Variants in LIN54 observed in about 807,000 individuals in gnomAD.
The protein encoded by LIN54 is protein lin-54 homolog.
LIN54 carries 9 observed loss-of-function variants against 78.7 expected under a neutral mutation model. The ratio of observed to expected loss-of-function variants is 0.11; its 90% CI spans 0.07 to 0.20. The LOEUF is 0.20. LIN54 is among the 10% of genes least tolerant of loss of function. The pLI is 1.00. For synonymous variants in LIN54, 269 were observed against 318.4 expected (o/e 0.84, Z 1.65); for missense variants, 573 against 889.9 (o/e 0.64, Z 4.53).
intron 1 of LIN54, among the ~76,000 whole-genome samples, chr4:82,993,202 C>T (rs1460053302): frequency 3.2e-4 from 44 of 139,096 alleles, no homozygotes; most frequent in African/African-American, 1.2e-3. Context: ...TTGATTTGTT[C>T]TTCTTTTTCT....
At chr4:83,001,676 T>A (rs1728786254) in intron 1 of LIN54, among the ~76,000 whole-genome samples, 1 of 148,994 alleles carries the variant, frequency 6.7e-6, no homozygotes, top group African/African-American at 2.5e-5. Flanking sequence ...AAACCCCGTC[T>A]CTACTAAAAA....
At chr4:83,002,455 AG>A (rs956448719) in intron 1 of LIN54, among the ~76,000 whole-genome samples, 5 of 132,650 alleles carry the variant, frequency 3.8e-5, no homozygotes, top group Non-Finnish European at 6.4e-5. Flanking sequence ...AGGGGAGGGA[AG>A]GAGGAAGGAG....
chr4:82,994,391 A>T (rs1220572934), intron 1 of LIN54, among the ~76,000 whole-genome samples: 1 of 149,322 alleles, frequency 6.7e-6, no homozygotes, highest in Non-Finnish European at 1.5e-5. Flanking sequence ...CTCCTTGTGC[A>T]TTTTAAAAGA....
Position 82,984,479 on chromosome 4 carries a change from C to T in LIN54, c.366G>A (p.Gln122=). Residue 122 remains glutamine, a synonymous_variant, in exon 2 of 13, where the codon CAG becomes CAA. Coordinates refer to ENST00000340417, the MANE Select transcript of LIN54 (RefSeq NM_194282.4). The part of the protein sequence containing the change: ...ANQIILNKVS[Q]TSDLKLGNQT... Reference sequence around the variant, plus strand: ...GATTGCCAAGTTTAAGATCAGATGTCTGTGATACTTTGTTTAAAATAATCT... The same window carrying T: ...GATTGCCAAGTTTAAGATCAGATGTTTGTGATACTTTGTTTAAAATAATCT... 2 of 1,614,160 alleles carry T rather than the reference C, an allele frequency of 1.2e-6. No individual in the cohort carries two copies. Among genetic ancestry groups the T allele is most frequent in the Non-Finnish European group, 1.7e-6 (2 of 1,180,016 alleles).
chr4:82,943,924 A>G (rs1406364655), intron 5 of LIN54, among the ~76,000 whole-genome samples: 1 of 142,538 alleles, frequency 7.0e-6, no homozygotes, highest in African/African-American at 2.8e-5. Context: ...GCTGGAGTGC[A>G]GTGGTGTGAT....
intron 4 of LIN54, among the ~76,000 whole-genome samples, chr4:82,963,343 A>T (rs534259241): frequency 1.3e-5 from 2 of 152,332 alleles, no homozygotes; most frequent in South Asian, 2.1e-4. Context: ...GAAACATTTT[A>T]AAAAGTTCTT....
Position 82,937,195 on chromosome 4 carries a change from T to A in LIN54, c.1604+32A>T, listed in dbSNP as rs1164587324. 2.8e-6 allele frequency: 3 copies of A among 1,056,940 alleles called. No individual in the cohort carries two copies. The Admixed American group carries it at 5.1e-5, about 18-fold the overall frequency. The allele number at this position is 1,056,940 out of a possible 1,614,324, so 65.5% of individuals were successfully genotyped here. A position where few individuals can be genotyped will look rare whatever the true frequency, so the allele number is the denominator to read the frequency against. On this transcript the variant is annotated intron_variant, in intron 9 of 12. Coordinates refer to ENST00000340417, the MANE Select transcript of LIN54 (RefSeq NM_194282.4). ...ACTTTTAAGTGCATTTCTAATTACATTAAATAAGCAAACAGTTGCAAAAAC... is the reference window on the plus strand; with the variant it reads ...ACTTTTAAGTGCATTTCTAATTACAATAAATAAGCAAACAGTTGCAAAAAC...
intron 1 of LIN54, among the ~76,000 whole-genome samples, chr4:82,989,358 T>C (rs185060838): frequency 5.3e-5 from 8 of 152,280 alleles, no homozygotes; most frequent in Non-Finnish European, 1.0e-4. Flanking sequence ...GAATCCCCTC[T>C]GGCACTTATG....
rs2126023292 is a variant in LIN54, at chr4:82,927,486, T to C, written c.*616A>G. Reference sequence around the variant, plus strand: ...CTCTGAGATTTACTGTCCTTTAATATTTTATATGTTTTTTTAAATAACTTT... The same window carrying C: ...CTCTGAGATTTACTGTCCTTTAATACTTTATATGTTTTTTTAAATAACTTT... On this transcript the variant is annotated 3_prime_UTR_variant, in exon 13 of 13. Transcript: ENST00000340417. 1 of 152,338 alleles carries C rather than the reference T, an allele frequency of 6.6e-6. No individual in the cohort carries two copies. Among genetic ancestry groups the C allele is most frequent in the East Asian group, 1.9e-4 (1 of 5,192 alleles). The allele number at this position is 152,338 out of a possible 1,614,324, so 9.4% of individuals were successfully genotyped here. A position where few individuals can be genotyped will look rare whatever the true frequency, so the allele number is the denominator to read the frequency against.
Position 82,928,100 on chromosome 4 carries a change from A to T in LIN54, c.*2T>A. On this transcript the variant is annotated 3_prime_UTR_variant, in exon 13 of 13. Transcript: ENST00000340417. ...TCCATTTATCAGTCTTTTGTGCAAG[A>T]GTTAGCAATTCATGGCACAAGGGTC... The T allele has an allele frequency of 6.2e-7, 1 of 1,613,084 alleles. No individual in the cohort carries two copies. The highest frequency in any genetic ancestry group is 8.5e-7 in the Non-Finnish European group (1 of 1,178,972).
intron 1 of LIN54, among the ~76,000 whole-genome samples, chr4:83,007,368 G>A (rs544058544): frequency 8.7e-4 from 132 of 152,196 alleles, no homozygotes; most frequent in African/African-American, 3.1e-3. Flanking sequence ...TGATTAACAT[G>A]ATGGAAAAAA....
At chr4:82,936,230 TG>T in intron 10 of LIN54, 48 bp downstream of exon 10, 1 of 1,528,058 alleles carries the variant, frequency 6.5e-7, no homozygotes, top group South Asian at 1.1e-5. Context: ...TTTATAAAAC[TG>T]ATGAAACTGG....
chr4:82,949,435 T>C (rs9995456), intron 4 of LIN54, among the ~76,000 whole-genome samples: 149,220 of 152,310 alleles, frequency 0.98, 73,176 homozygotes, highest in East Asian at 1. Flanking sequence ...TTCACTCGGT[T>C]GCCCAAGCTA....
At chr4:82,976,056 C>T (rs1054952629) in intron 3 of LIN54, among the ~76,000 whole-genome samples, 2 of 152,170 alleles carry the variant, frequency 1.3e-5, no homozygotes, top group Non-Finnish European at 2.9e-5. Flanking sequence ...CTTGCCAAGA[C>T]CCTTAGTCCT....
intron 1 of LIN54, among the ~76,000 whole-genome samples, chr4:82,986,806 T>A (rs547155863): frequency 6.9e-6 from 1 of 144,924 alleles, no homozygotes; most frequent in African/African-American, 2.6e-5. Context: ...ACCACCAAAA[T>A]AAACCATCAT....
chr4:82,927,451 A>G lies in LIN54; in HGVS notation c.*651T>C, dbSNP rs1721570519. Reference sequence around the variant, plus strand: ...TAGCCTTTCCTTATTATAGAAACACATTGCCCATCCTCTGAGATTTACTGT... The same window carrying G: ...TAGCCTTTCCTTATTATAGAAACACGTTGCCCATCCTCTGAGATTTACTGT... On this transcript the variant is annotated 3_prime_UTR_variant, in exon 13 of 13. Coordinates refer to ENST00000340417, the MANE Select transcript of LIN54 (RefSeq NM_194282.4). 6.6e-6 allele frequency: 1 copy of G among 152,194 alleles called. No homozygotes were observed. Among genetic ancestry groups the G allele is most frequent in the Admixed American group, 6.5e-5 (1 of 15,288 alleles). The allele number at this position is 152,194 out of a possible 1,614,324, so 9.4% of individuals were successfully genotyped here.
chr4:82,985,552 A>G (rs1356681278), intron 1 of LIN54, among the ~76,000 whole-genome samples: 2 of 152,174 alleles, frequency 1.3e-5, no homozygotes, highest in African/African-American at 4.8e-5. Context: ...TTAATTAATT[A>G]ATTATTGAGA....
chr4:82,951,322 A>G (rs2126050305), intron 4 of LIN54, among the ~76,000 whole-genome samples: 1 of 152,306 alleles, frequency 6.6e-6, no homozygotes, highest in East Asian at 1.9e-4. Context: ...CTATTTTTCC[A>G]TGGATATTAA....
intron 4 of LIN54, among the ~76,000 whole-genome samples, chr4:82,952,145 A>G (rs1238636889): frequency 6.6e-6 from 1 of 152,222 alleles, no homozygotes; most frequent in African/African-American, 2.4e-5. Context: ...AAAATTTTTA[A>G]ATTTTGTGCA....
Sources: allele counts gnomAD v4.1 joint callset (sites outside exome capture counted in the v4.1 genomes callset), GRCh38; gene constraint gnomAD v4.1.1; transcripts MANE v1.5; gene names NCBI Gene and HGNC (gene_info 2026-07-23, HGNC 2026-07-21).